MYO18B: variants seen among roughly 807,000 people sequenced by gnomAD.
MYO18B encodes myosin XVIIIB, also known as unconventional myosin-XVIIIb.
A neutral mutation model predicts 273.0 loss-of-function variants in MYO18B; 204 were observed. That is an observed-to-expected ratio of 0.75 (90% CI 0.67 to 0.84). The LOEUF (loss-of-function observed/expected upper bound fraction) is 0.84. Ranked by LOEUF, MYO18B falls within the 40% of genes least tolerant of loss-of-function variation. MYO18B has a pLI of 0.00. For synonymous variants in MYO18B, 1,330 were observed against 1,305.7 expected (o/e 1.02, Z -0.40); for missense variants, 3,212 against 3,287.6 (o/e 0.98, Z 0.56).
chr22:26,004,965 A>G (rs890859873), intron 42 of MYO18B, 110 bp downstream of exon 42: 29 of 1,413,482 alleles, frequency 2.1e-5, no homozygotes, highest in South Asian at 4.0e-5. Flanking sequence ...AAAAACAAGC[A>G]TGGTCCTGAA....
In MYO18B at chr22:25,847,419, A is replaced by G. The variant is rs144460639; in HGVS notation, c.3553-11A>G. ...AGACAACTGGCCCTGACCTCCCTCT[A>G]TTTGGTCTAGGATGCGCTGACCAGC... On this transcript the variant is annotated splice_polypyrimidine_tract_variant and intron_variant, in intron 19 of 43. Coordinates refer to ENST00000335473, the MANE Select transcript of MYO18B (RefSeq NM_032608.7). 852 of 1,557,138 alleles carry G rather than the reference A, an allele frequency of 5.5e-4. 3 individuals carry two copies. The African/African-American group carries it at 9.3e-3, about 17-fold the overall frequency.
At chr22:25,956,414 C>T (rs761798667) in intron 39 of MYO18B, among the ~76,000 whole-genome samples, 6 of 152,156 alleles carry the variant, frequency 3.9e-5, no homozygotes, top group Non-Finnish European at 8.8e-5. Flanking sequence ...CAGGGTTTCA[C>T]TTTGTGGCCC....
intron 34 of MYO18B, among the ~76,000 whole-genome samples, chr22:25,924,616 A>T (rs775583871): frequency 3.9e-5 from 6 of 152,208 alleles, no homozygotes; most frequent in Non-Finnish European, 7.3e-5. Flanking sequence ...GAGAAGGAGA[A>T]ATAGGCAGGG....
At chr22:25,903,102 G>A in intron 30 of MYO18B, 1 of 225,178 alleles carries the variant, frequency 4.4e-6, no homozygotes, top group East Asian at 1.2e-4. Flanking sequence ...CAACACGGGT[G>A]CCTCACTCAG....
At chr22:25,823,450 A>G in intron 12 of MYO18B, 55 bp from the exon 13 acceptor site, 2 of 1,570,634 alleles carry the variant, frequency 1.3e-6, no homozygotes, top group Non-Finnish European at 1.7e-6. Context: ...TCGGGTGTTC[A>G]TTCACCCCAT....
intron 35 of MYO18B, among the ~76,000 whole-genome samples, 182 bp from the exon 36 acceptor site, chr22:25,947,529 CA>C (rs1569223310): frequency 0.01 from 1,510 of 146,548 alleles, 25 homozygotes; most frequent in African/African-American, 0.037. Flanking sequence ...CACACACACA[CA>C]CACACACACA....
chr22:25,873,874 C>G (rs1190318445), intron 22 of MYO18B, among the ~76,000 whole-genome samples: 1 of 152,234 alleles, frequency 6.6e-6, no homozygotes, highest in Admixed American at 6.5e-5. Flanking sequence ...ATGTACTGCA[C>G]TTTCCAGGTG....
rs1308165740 is a variant in MYO18B at position 25,772,460 on chromosome 22, G to T, written c.1819G>T (p.Asp607Tyr). The change falls in exon 7 of 44, where the codon GAT (aspartate) becomes TAT (tyrosine). Residue 607 changes from aspartate to tyrosine, a missense_variant. Coordinates refer to ENST00000335473, the MANE Select transcript of MYO18B (RefSeq NM_032608.7). ...GCTGCTGCACACCTGCACAGGGCCT[G>T]ATCTGATTGTCCTCCAGCCCCGGGG... is the stretch of plus-strand genomic sequence containing the variant. ...AQLLHTCTGP[D>Y]LIVLQPRGPS... 2 of 1,614,012 alleles carry T rather than the reference G, an allele frequency of 1.2e-6. No individual in the cohort carries two copies. The highest frequency in any genetic ancestry group is 1.7e-5 in the Admixed American group (1 of 60,036).
chr22:25,839,008 G>A (rs371141053), intron 17 of MYO18B, among the ~76,000 whole-genome samples: 18 of 151,950 alleles, frequency 1.2e-4, no homozygotes, highest in East Asian at 5.8e-4. Flanking sequence ...GTGTGTATAT[G>A]TGTGTGTGCA....
chr22:25,847,386 T>A, intron 19 of MYO18B, 44 bp from the exon 20 acceptor site: 1 of 1,513,122 alleles, frequency 6.6e-7, no homozygotes. Flanking sequence ...CCTTTCTGTG[T>A]CTCTGTGAGA....
chr22:25,843,764 C>A lies in MYO18B; in HGVS notation c.3238C>A (p.Pro1080Thr). Residue 1080 changes from proline (P) to threonine (T), a missense_variant, in exon 18 of 44, where the codon CCC becomes ACC. Transcript: ENST00000335473. ...CTCTGCCCTGCGGACCTGTGAGCAG[C>A]CCCTCCAGTGTGAGATTTTCCACCA... ...GSSALRTCEQ[P>T]LQCEIFHQLG... 1 of 1,613,808 alleles carries A rather than the reference C, an allele frequency of 6.2e-7. No individual in the cohort carries two copies. The highest frequency in any genetic ancestry group is 8.5e-7 in the Non-Finnish European group (1 of 1,179,712).
At chr22:25,994,187 C>T (rs1468478620) in intron 40 of MYO18B, among the ~76,000 whole-genome samples, 1 of 152,200 alleles carries the variant, frequency 6.6e-6, no homozygotes, top group Non-Finnish European at 1.5e-5. Flanking sequence ...ATGTTCTTGG[C>T]CAGGCATGGT....
At chr22:25,907,340 A>G (rs979158513) in intron 31 of MYO18B, among the ~76,000 whole-genome samples, 1 of 152,170 alleles carries the variant, frequency 6.6e-6, no homozygotes, top group African/African-American at 2.4e-5. Context: ...TGCCTGTTGC[A>G]TGTGTTTTGG....
chr22:26,059,673 T>A, the MYO18B span, among the ~76,000 whole-genome samples: 1 of 152,180 alleles, frequency 6.6e-6, no homozygotes, highest in African/African-American at 2.4e-5. Flanking sequence ...CCTCCCAAAC[T>A]CCATCTTCTA....
chr22:25,933,422 C>T (rs1051492460), intron 34 of MYO18B, among the ~76,000 whole-genome samples: 2 of 152,148 alleles, frequency 1.3e-5, no homozygotes, highest in Admixed American at 6.5e-5. Context: ...GGTGATGAAC[C>T]AAATGCCAGT....
At chr22:25,930,630 C>T (rs1329149750) in intron 34 of MYO18B, among the ~76,000 whole-genome samples, 1 of 151,764 alleles carries the variant, frequency 6.6e-6, no homozygotes. Context: ...CACCACCACA[C>T]CTGGCTAATT....
intron 42 of MYO18B, among the ~76,000 whole-genome samples, chr22:26,005,112 G>A (rs981627257): frequency 3.3e-5 from 5 of 152,148 alleles, no homozygotes; most frequent in Non-Finnish European, 5.9e-5. Flanking sequence ...GAAGCAATGA[G>A]GACCTAATGC....
intron 34 of MYO18B, among the ~76,000 whole-genome samples, chr22:25,940,896 A>G (rs550675368): frequency 6.6e-6 from 1 of 152,232 alleles, no homozygotes; most frequent in African/African-American, 2.4e-5. Context: ...TAGTAGAAGA[A>G]GGGTCCTATC....
At chr22:25,776,802 G>C (rs1179456104) in intron 7 of MYO18B, among the ~76,000 whole-genome samples, 1 of 152,176 alleles carries the variant, frequency 6.6e-6, no homozygotes, top group Non-Finnish European at 1.5e-5. Context: ...TGGGGTTGTG[G>C]AGAGGGGTAA....
Sources: gnomAD v4.1 joint callset for allele counts (sites outside exome capture counted in the v4.1 genomes callset) on GRCh38, gnomAD v4.1.1 for gene constraint, MANE v1.5 for transcripts, NCBI Gene and HGNC (gene_info 2026-07-23, HGNC 2026-07-21) for gene names.